Variants in GCNT1 observed in about 807,000 individuals in gnomAD.
GCNT1 encodes beta-1,3-galactosyl-O-glycosyl-glycoprotein beta-1,6-N-acetylglucosaminyltransferase.
In GCNT1, 16 loss-of-function variants were observed where a neutral mutation model predicts 26.2. That is an observed-to-expected ratio of 0.61 (90% CI 0.41 to 0.93). The LOEUF is 0.93. GCNT1 is among the 40% of genes least tolerant of loss of function. GCNT1 has a pLI of 0.00. For missense variants in GCNT1, 477 were observed against 526.7 expected (o/e 0.91, Z 0.92); for synonymous variants, 183 against 190.8 (o/e 0.96, Z 0.34).
intron 3 of GCNT1, chr9:76,501,839 T>C (rs3739517): frequency 0.082 from 12,505 of 152,276 alleles, 576 homozygotes; most frequent in Middle Eastern, 0.17. Flanking sequence ...GTGGTAATTC[T>C]GGCACAGTGT....
intron 1 of GCNT1, chr9:76,420,297 C>T (rs1436710657): frequency 6.6e-6 from 1 of 152,162 alleles, no homozygotes; most frequent in East Asian, 1.9e-4. Context: ...TTTTTAGAGA[C>T]AAGGCTTTGC....
chr9:76,445,785 G>A (rs893164300), intron 1 of GCNT1, among the ~76,000 whole-genome samples: 1 of 150,004 alleles, frequency 6.7e-6, no homozygotes, highest in African/African-American at 2.4e-5. Context: ...GACCAGCCTG[G>A]ACAACATGGT....
intron 1 of GCNT1, among the ~76,000 whole-genome samples, chr9:76,444,423 G>A (rs1159925350): frequency 6.6e-6 from 1 of 152,276 alleles, no homozygotes; most frequent in East Asian, 1.9e-4. Context: ...GGGGGAAGAG[G>A]AGGAAACTGA....
chr9:76,407,353 G>C, the GCNT1 span, among the ~76,000 whole-genome samples: 1 of 151,788 alleles, frequency 6.6e-6, no homozygotes, highest in East Asian at 1.9e-4. Context: ...AGTTGTTCCA[G>C]CAGCATTTCT....
the GCNT1 span, among the ~76,000 whole-genome samples, chr9:76,413,635 T>A: frequency 4.0e-5 from 5 of 124,666 alleles, no homozygotes; most frequent in African/African-American, 1.8e-4. Context: ...ATGCCTAGGG[T>A]TTTTTTTGTT....
chr9:76,498,648 C>G (rs892248119), intron 2 of GCNT1, among the ~76,000 whole-genome samples: 5 of 151,894 alleles, frequency 3.3e-5, no homozygotes, highest in African/African-American at 4.8e-5. Context: ...GGGCGGGTGC[C>G]TGTAATCCCA....
intron 1 of GCNT1, among the ~76,000 whole-genome samples, chr9:76,448,126 C>T (rs1823606140): frequency 6.6e-6 from 1 of 152,144 alleles, no homozygotes; most frequent in Non-Finnish European, 1.5e-5. Flanking sequence ...CTGTTTACCC[C>T]TCTAGTCTTT....
rs1184053348 is a variant in GCNT1, at chr9:76,504,061, C to G, written c.*393C>G. 1 of 209,928 alleles carries G rather than the reference C, an allele frequency of 4.8e-6. No individual in the cohort carries two copies. Among genetic ancestry groups the G allele is most frequent in the Non-Finnish European group, 1.1e-5 (1 of 93,122 alleles). The allele number at this position is 209,928 out of a possible 1,614,324, so 13.0% of individuals were successfully genotyped here. A position where few individuals can be genotyped will look rare whatever the true frequency, so the allele number is the denominator to read the frequency against. On this transcript the variant is annotated 3_prime_UTR_variant, in exon 4 of 4. Coordinates refer to ENST00000376730, the MANE Select transcript of GCNT1 (RefSeq NM_001490.5). ...CTATTTTGAGAATTTTAAATGTGAC[C>G]ATTTTTCTGGTATGAATAAACTTAC...
At chr9:76,480,259 C>T (rs1824384341) in intron 2 of GCNT1, among the ~76,000 whole-genome samples, 1 of 151,976 alleles carries the variant, frequency 6.6e-6, no homozygotes, top group Non-Finnish European at 1.5e-5. Context: ...TTACTGTAGC[C>T]TTGTAGCATA....
chr9:76,463,664 G>A (rs2081083154), intron 2 of GCNT1, among the ~76,000 whole-genome samples: 2 of 152,156 alleles, frequency 1.3e-5, no homozygotes, highest in Non-Finnish European at 2.9e-5. Context: ...TATTTACTGA[G>A]CATCTGTTAG....
intron 2 of GCNT1, among the ~76,000 whole-genome samples, chr9:76,486,367 C>T (rs1475748372): frequency 6.6e-6 from 1 of 152,212 alleles, no homozygotes; most frequent in African/African-American, 2.4e-5. Flanking sequence ...GTGCATGTGA[C>T]TTTGCTGTAT....
At position 76,472,766 on chromosome 9, in the gene GCNT1, TGAGATG is replaced by T. The variant is rs1464624883; in HGVS notation, c.-290+12593_-290+12598del. Among the ~76,000 whole-genome samples the T allele has an allele frequency of 2.2e-3, 293 of 134,802 alleles. 1 individual carries two copies. Among genetic ancestry groups the T allele is most frequent in the African/African-American group, 8.4e-3 (277 of 33,132 alleles). 88.4% of individuals were successfully genotyped at this position (134,802 alleles called of 152,430 possible). ...TTTCTTTTCTTTTTTTTTTTTTTTT[TGAGATG>T]GAGTCTCGCTCTGTCACCCAGGCTG... On this transcript the variant is annotated intron_variant, in intron 2 of 3. Coordinates refer to ENST00000376730, the MANE Select transcript of GCNT1 (RefSeq NM_001490.5).
chr9:76,462,313 ACTGT>A (rs1410423901), intron 2 of GCNT1, among the ~76,000 whole-genome samples: 1 of 152,072 alleles, frequency 6.6e-6, no homozygotes, highest in Non-Finnish European at 1.5e-5. Flanking sequence ...TCTTGTGGAG[ACTGT>A]CTGTATTCTT....
chr9:76,425,228 A>C (rs961586025), intron 1 of GCNT1, among the ~76,000 whole-genome samples: 4 of 151,322 alleles, frequency 2.6e-5, no homozygotes, highest in Admixed American at 6.6e-5. Flanking sequence ...ATAGTATTTT[A>C]ATTTATTTTT....
chr9:76,476,005 G>A (rs1564237376), intron 2 of GCNT1, among the ~76,000 whole-genome samples: 2 of 152,196 alleles, frequency 1.3e-5, no homozygotes, highest in Non-Finnish European at 2.9e-5. Flanking sequence ...AGGACCAGAG[G>A]AAGGAGTTGA....
intron 1 of GCNT1, among the ~76,000 whole-genome samples, chr9:76,444,237 T>C (rs1347988538): frequency 6.6e-6 from 1 of 152,200 alleles, no homozygotes; most frequent in East Asian, 1.9e-4. Context: ...GTTGGAAATA[T>C]GAGTCTGGAG....
At chr9:76,491,555 C>G (rs2131630480) in intron 2 of GCNT1, among the ~76,000 whole-genome samples, 1 of 152,308 alleles carries the variant, frequency 6.6e-6, no homozygotes, top group South Asian at 2.1e-4. Context: ...GCCACTGGTT[C>G]TGCTAACTGG....
At chr9:76,495,908 C>T (rs1405142094) in intron 2 of GCNT1, among the ~76,000 whole-genome samples, 1 of 152,064 alleles carries the variant, frequency 6.6e-6, no homozygotes, top group East Asian at 1.9e-4. Flanking sequence ...TTTCTATATC[C>T]TGAGAATGTT....
At chr9:76,445,531 TCATGTAC>T (rs535211639) in intron 1 of GCNT1, among the ~76,000 whole-genome samples, 3 of 151,812 alleles carry the variant, frequency 2.0e-5, no homozygotes, top group Non-Finnish European at 4.4e-5. Context: ...GGGATTACAG[TCATGTAC>T]CACCAAGCCC....
Sources: gnomAD v4.1 joint callset for allele counts (sites outside exome capture counted in the v4.1 genomes callset) on GRCh38, gnomAD v4.1.1 for gene constraint, MANE v1.5 for transcripts, NCBI Gene and HGNC (gene_info 2026-07-23, HGNC 2026-07-21) for gene names.